SLC6A20: variants seen among roughly 807,000 people sequenced by gnomAD.
SLC6A20 encodes solute carrier family 6 member 20.
A neutral mutation model predicts 64.3 loss-of-function variants in SLC6A20; 73 were observed. That is an observed-to-expected ratio of 1.14 (90% CI 0.94 to 1.38). SLC6A20 has a LOEUF of 1.38. Ranked by LOEUF, SLC6A20 falls within the 40% of genes most tolerant of loss-of-function variation. The pLI is 0.00. For missense variants in SLC6A20, 725 were observed against 772.8 expected (o/e 0.94, Z 0.73); for synonymous variants, 347 against 329.6 (o/e 1.05, Z -0.57).
chr3:45,768,351 A>G (rs2108917), intron 7 of SLC6A20, among the ~76,000 whole-genome samples: 93,916 of 151,882 alleles, frequency 0.62, 31,710 homozygotes, highest in Middle Eastern at 0.84. Context: ...AAGCAACAGG[A>G]AAAATGAAGT....
At chr3:45,792,406 G>T (rs892610247) in intron 1 of SLC6A20, among the ~76,000 whole-genome samples, 2 of 152,180 alleles carry the variant, frequency 1.3e-5, no homozygotes, top group Middle Eastern at 3.2e-3. Context: ...AGGACCAACT[G>T]TGGGCATGTT....
Position 45,765,986 on chromosome 3 carries a change from C to G in SLC6A20, c.1099-245G>C, listed in dbSNP as rs1330384668. ...AGCCAGCCTGCAACACTGAGTTCCC[C>G]TCTCCTGCCCCAACTTACGTACATT... On this transcript the variant is annotated intron_variant, in intron 7 of 10. Transcript: ENST00000358525. This position sits in a 1 kb window ranked among gnomAD's most constrained non-coding sequence, Gnocchi z 4.2. 1.3e-5 allele frequency among the ~76,000 whole-genome samples: 2 copies of G among 152,218 alleles called. No homozygotes were observed. Among genetic ancestry groups the G allele is most frequent in the Non-Finnish European group, 2.9e-5 (2 of 68,034 alleles).
intron 2 of SLC6A20, among the ~76,000 whole-genome samples, chr3:45,781,782 T>G (rs142233414): frequency 1.3e-5 from 2 of 152,268 alleles, no homozygotes; most frequent in Non-Finnish European, 2.9e-5. Context: ...GACTTGGAGT[T>G]ACAGCTGTTT....
In SLC6A20 at chr3:45,782,165, G is replaced by T; in HGVS notation, c.180C>A (p.Tyr60Ter). The change falls in exon 2 of 11, where the codon TAC becomes TAA. Residue 60 changes from tyrosine to a stop codon, truncating the protein, a stop_gained. Coordinates refer to ENST00000358525, the MANE Select transcript of SLC6A20 (RefSeq NM_020208.4). LOFTEE classifies it high-confidence loss of function. ...MLIVEGMPLL[Y>*]LELAVGQRMR... ...TGCGCTGCCCCACAGCCAGTTCCAG[G>T]TACAAGAGCGGCATTCCCTCCACGA... 6.2e-7 allele frequency: 1 copy of T among 1,613,892 alleles called. No homozygotes were observed. The highest frequency in any genetic ancestry group is 1.3e-5 in the African/African-American group (1 of 75,004).
At chr3:45,790,279 T>C (rs1406034888) in intron 1 of SLC6A20, 1 of 152,050 alleles carries the variant, frequency 6.6e-6, no homozygotes, top group African/African-American at 2.4e-5. Flanking sequence ...TTTTTTTTTC[T>C]TTCTGGGGCA....
intron 1 of SLC6A20, among the ~76,000 whole-genome samples, chr3:45,782,561 T>A (rs555812130): frequency 7.9e-5 from 12 of 151,590 alleles, no homozygotes; most frequent in Admixed American, 6.6e-4. Flanking sequence ...CCATCCATCC[T>A]TCCTTCCTTC....
In SLC6A20 at chr3:45,770,069, C is replaced by T. The variant is rs1699834445; in HGVS notation, c.1098+140G>A. ...GAGAGTGGTGTTAAAGCCTCTCTTCCCCTTGGAGTTGCAGGAAAAGTAATT... is the reference window on the plus strand; with the variant it reads ...GAGAGTGGTGTTAAAGCCTCTCTTCTCCTTGGAGTTGCAGGAAAAGTAATT... On this transcript the variant is annotated intron_variant, in intron 7 of 10. Transcript: ENST00000358525. 3.6e-6 allele frequency: 4 copies of T among 1,104,238 alleles called. No individual in the cohort carries two copies. The Admixed American group carries it at 9.9e-5, about 27-fold the overall frequency. 68.4% of individuals were successfully genotyped at this position (1,104,238 alleles called of 1,614,324 possible). A position where few individuals can be genotyped will look rare whatever the true frequency, so the allele number is the denominator to read the frequency against.
intron 1 of SLC6A20, 60 bp downstream of exon 1, chr3:45,796,239 G>T: frequency 6.4e-7 from 1 of 1,553,496 alleles, no homozygotes; most frequent in Non-Finnish European, 8.7e-7. Flanking sequence ...ACCCCGGCTC[G>T]CACACACGGC....
chr3:45,777,131 G>A (rs938464144), intron 3 of SLC6A20, among the ~76,000 whole-genome samples: 3 of 152,116 alleles, frequency 2.0e-5, no homozygotes, highest in Admixed American at 6.5e-5. Context: ...AGACAAAAAC[G>A]CATCATTAAT....
chr3:45,765,707 T>C lies in SLC6A20; in HGVS notation c.1133A>G (p.Tyr378Cys). ...CTCCATGTTTTTAATGGCCTCTGTG[T>C]AGACGATGAATGCCAGGCCAGTGCC... is the stretch of plus-strand genomic sequence containing the variant. ...VQGTGLAFIV[Y>C]TEAIKNMEVS... The change falls in exon 8 of 11, where the codon TAC (tyrosine) becomes TGC (cysteine). Residue 378 changes from tyrosine (Y) to cysteine (C), a missense_variant. Tyr to Cys is a radical substitution (Grantham distance 194). Transcript: ENST00000358525. This position sits in a 1 kb window ranked among gnomAD's most constrained non-coding sequence, Gnocchi z 4.2. 6.2e-7 allele frequency: 1 copy of C among 1,614,164 alleles called. No individual in the cohort carries two copies. The highest frequency in any genetic ancestry group is 8.5e-7 in the Non-Finnish European group (1 of 1,180,024).
chr3:45,789,291 T>TC (rs1191380663), intron 1 of SLC6A20, among the ~76,000 whole-genome samples: 2 of 152,170 alleles, frequency 1.3e-5, no homozygotes, highest in Admixed American at 6.5e-5. Flanking sequence ...AATATATACT[T>TC]CATAATGTAA....
At chr3:45,764,708 C>CAAA (rs71288017) in intron 8 of SLC6A20, among the ~76,000 whole-genome samples, 12,341 of 107,018 alleles carry the variant, frequency 0.12, 730 homozygotes, top group African/African-American at 0.18. Context: ...TCTTTAAAAA[C>CAAA]AAAAAAAAAA....
intron 1 of SLC6A20, among the ~76,000 whole-genome samples, chr3:45,782,903 C>T (rs1403190229): frequency 2.6e-5 from 4 of 152,240 alleles, no homozygotes; most frequent in African/African-American, 9.6e-5. Context: ...GCCCTTCTGC[C>T]AAACCCCACA....
chr3:45,793,063 A>C (rs1237953136), intron 1 of SLC6A20, among the ~76,000 whole-genome samples: 3 of 152,228 alleles, frequency 2.0e-5, no homozygotes, highest in Non-Finnish European at 4.4e-5. Context: ...GGTAGGCTAC[A>C]GTTTGACATG....
chr3:45,765,302 G>T lies in SLC6A20; in HGVS notation c.1303+235C>A, dbSNP rs1699755709. Among the ~76,000 whole-genome samples the T allele has an allele frequency of 6.6e-6, 1 of 152,290 alleles. No individual in the cohort carries two copies. Among genetic ancestry groups the T allele is most frequent in the Admixed American group, 6.5e-5 (1 of 15,294 alleles). On this transcript the variant is annotated intron_variant, in intron 8 of 10. Coordinates refer to ENST00000358525, the MANE Select transcript of SLC6A20 (RefSeq NM_020208.4). This position sits in a 1 kb window ranked among gnomAD's most constrained non-coding sequence, Gnocchi z 4.2. ...AGAACTTTGAATGTCAGGTTGGGGAGTTGGGTTGGGGTGGCCACTTCACTT... is the reference window on the plus strand; with the variant it reads ...AGAACTTTGAATGTCAGGTTGGGGATTTGGGTTGGGGTGGCCACTTCACTT...
At chr3:45,794,197 A>G (rs1700307721) in intron 1 of SLC6A20, among the ~76,000 whole-genome samples, 1 of 152,140 alleles carries the variant, frequency 6.6e-6, no homozygotes, top group Non-Finnish European at 1.5e-5. Context: ...CAGGTGGAGG[A>G]AATATCTTGT....
At position 45,772,616 on chromosome 3, in the gene SLC6A20, C is replaced by A. The variant is rs766184924; in HGVS notation, c.583-1G>T. 6.2e-7 allele frequency: 1 copy of A among 1,612,460 alleles called. No homozygotes were observed. Among genetic ancestry groups the A allele is most frequent in the South Asian group, 1.1e-5 (1 of 90,714 alleles). ...GCAGTGACGCCGTGAAATACACCAC[C>A]TGCGGGCATCAGAGGGCAGAGTTGG... On this transcript the variant is annotated splice_acceptor_variant, in intron 4 of 10. Coordinates refer to ENST00000358525, the MANE Select transcript of SLC6A20 (RefSeq NM_020208.4). LOFTEE classifies it high-confidence loss of function.
In SLC6A20 at chr3:45,770,302, C is replaced by T; in HGVS notation, c.1005G>A (p.Gln335=). The T allele has an allele frequency of 6.2e-7, 1 of 1,614,198 alleles. No individual in the cohort carries two copies. Among genetic ancestry groups the T allele is most frequent in the South Asian group, 1.1e-5 (1 of 91,084 alleles). Residue 335 remains glutamine (Q), a synonymous_variant, in exon 7 of 11, where the codon CAG becomes CAA. Coordinates refer to ENST00000358525, the MANE Select transcript of SLC6A20 (RefSeq NM_020208.4). ...DGFLTASNLE[Q]VKGYLASAYP... is the part of the protein sequence containing the mutation. ...AGGCAGATGCGAGGTAGCCCTTCAC[C>T]TGCTCCAGGTTGCTGGCTGTCAAAA...
At chr3:45,782,857 T>G (rs531108230) in intron 1 of SLC6A20, among the ~76,000 whole-genome samples, 4 of 152,388 alleles carry the variant, frequency 2.6e-5, no homozygotes, top group African/African-American at 9.6e-5. Context: ...TGTCCCAAGC[T>G]GCTTGAATGC....
Sources: allele counts gnomAD v4.1 joint callset (sites outside exome capture counted in the v4.1 genomes callset), GRCh38; gene constraint gnomAD v4.1.1; non-coding constraint Gnocchi (gnomAD v3.1); transcripts MANE v1.5; gene names NCBI Gene and HGNC (gene_info 2026-07-23, HGNC 2026-07-21).